RNF150: variants seen among roughly 807,000 people sequenced by gnomAD.
The protein encoded by RNF150 is ring finger protein 150.
Under a neutral mutation model 39.3 loss-of-function variants are expected in RNF150, and 24 were observed. That is an observed-to-expected ratio of 0.61 (90% CI 0.44 to 0.86). The LOEUF (loss-of-function observed/expected upper bound fraction) is 0.86. Among genes scored for constraint, RNF150 ranks in the 40% least tolerant of loss-of-function variants. RNF150 has a pLI of 0.00. For synonymous variants in RNF150, 255 were observed against 227.3 expected, an observed-to-expected ratio of 1.12 and a Z score of -1.10; for missense variants, 502 against 587.8, an observed-to-expected ratio of 0.85 and a Z score of 1.51.
chr4:140,871,000 CTCTATA>C (rs1054973829), intron 6 of RNF150, among the ~76,000 whole-genome samples: 110 of 144,630 alleles, frequency 7.6e-4, no homozygotes, highest in South Asian at 3.2e-3. Context: ...CTCTCTCTCT[CTCTATA>C]TATATATATA....
chr4:140,970,231 G>A (rs1733410720), intron 1 of RNF150, among the ~76,000 whole-genome samples: 1 of 152,048 alleles, frequency 6.6e-6, no homozygotes, highest in African/African-American at 2.4e-5. Context: ...TAAATCTTGA[G>A]CAATCTTCGA....
chr4:141,184,879 G>A, intron 1 of RNF150, among the ~76,000 whole-genome samples: 1 of 151,080 alleles, frequency 6.6e-6, no homozygotes, highest in Non-Finnish European at 1.5e-5. Flanking sequence ...GTGTGTGTGT[G>A]TGTGTGTGTG....
chr4:140,936,864 A>G (rs1458475763), intron 4 of RNF150, among the ~76,000 whole-genome samples: 1 of 152,178 alleles, frequency 6.6e-6, no homozygotes, highest in Non-Finnish European at 1.5e-5. Context: ...CAATAGTAAT[A>G]TATCAAAGAA....
intron 1 of RNF150, among the ~76,000 whole-genome samples, chr4:141,177,476 TTCTCTCTC>T (rs35665766): frequency 2.1e-5 from 3 of 142,332 alleles, no homozygotes; most frequent in African/African-American, 5.1e-5. Flanking sequence ...TATTGATTCT[TTCTCTCTC>T]TCTCTCTCTC....
At chr4:140,896,059 A>G (rs2111237401) in intron 6 of RNF150, among the ~76,000 whole-genome samples, 1 of 122,948 alleles carries the variant, frequency 8.1e-6, no homozygotes, top group Middle Eastern at 3.8e-3. Flanking sequence ...GAGGATGTGG[A>G]GAAACAGGAA....
chr4:141,036,050 C>T (rs187358539), intron 1 of RNF150, among the ~76,000 whole-genome samples: 2 of 152,178 alleles, frequency 1.3e-5, no homozygotes, highest in Admixed American at 1.3e-4. Context: ...CCAGGAGGGC[C>T]TTTATGACTA....
intron 1 of RNF150, among the ~76,000 whole-genome samples, chr4:141,046,522 T>C (rs945277944): frequency 1.3e-5 from 2 of 152,176 alleles, no homozygotes; most frequent in African/African-American, 4.8e-5. Context: ...AAACTTGAAG[T>C]TCACACTTTA....
chr4:140,918,625 A>G (rs1385138597), intron 5 of RNF150, among the ~76,000 whole-genome samples: 1 of 152,008 alleles, frequency 6.6e-6, no homozygotes, highest in Admixed American at 6.6e-5. Flanking sequence ...AGCTGGTACC[A>G]TTCCTTCTGA....
At chr4:140,883,701 C>G (rs1273459703) in intron 6 of RNF150, among the ~76,000 whole-genome samples, 1 of 152,128 alleles carries the variant, frequency 6.6e-6, no homozygotes, top group Non-Finnish European at 1.5e-5. Context: ...TTGCTGCTTT[C>G]AAGATTCTAT....
chr4:140,950,020 C>T (rs1180794493), intron 2 of RNF150, among the ~76,000 whole-genome samples: 1 of 152,116 alleles, frequency 6.6e-6, no homozygotes, highest in Non-Finnish European at 1.5e-5. Flanking sequence ...TCATTCTCTC[C>T]CCATTTTTGG....
At chr4:140,911,689 C>A (rs575938355) in intron 5 of RNF150, among the ~76,000 whole-genome samples, 2 of 152,250 alleles carry the variant, frequency 1.3e-5, no homozygotes, top group African/African-American at 4.8e-5. Context: ...AATGAAGGCA[C>A]TTCCTTACAT....
chr4:140,874,123 T>C (rs1215853426), intron 6 of RNF150, among the ~76,000 whole-genome samples: 1 of 152,338 alleles, frequency 6.6e-6, no homozygotes, highest in African/African-American at 2.4e-5. Flanking sequence ...ATTTAGTCCA[T>C]AAATTATTGA....
Position 140,862,002 on chromosome 4 carries a change from A to C in RNF150, c.*6259T>G, listed in dbSNP as rs754714429. Reference sequence around the variant, plus strand: ...CACCTTCGCTTTTATTTATGAGAACATTGGGAGAAAATTCAACTAGTCAAT... The same window carrying C: ...CACCTTCGCTTTTATTTATGAGAACCTTGGGAGAAAATTCAACTAGTCAAT... On this transcript the variant is annotated 3_prime_UTR_variant, in exon 7 of 7. Transcript: ENST00000515673. 2.0e-5 allele frequency: 3 copies of C among 152,232 alleles called. No homozygotes were observed. The highest frequency in any genetic ancestry group is 4.4e-5 in the Non-Finnish European group (3 of 68,048). The allele number at this position is 152,232 out of a possible 1,614,324, so 9.4% of individuals were successfully genotyped here.
At chr4:141,208,094 G>A (rs1297929170) in intron 1 of RNF150, among the ~76,000 whole-genome samples, 1 of 152,228 alleles carries the variant, frequency 6.6e-6, no homozygotes, top group Non-Finnish European at 1.5e-5. Context: ...ATCATCAGCA[G>A]AATGTCCGGA....
At position 140,948,747 on chromosome 4, in the gene RNF150, G is replaced by A. The variant is rs186244218; in HGVS notation, c.807+554C>T. Among the ~76,000 whole-genome samples the A allele has an allele frequency of 4.8e-3, 731 of 152,220 alleles. 7 individuals carry two copies. Among genetic ancestry groups the A allele is most frequent in the Non-Finnish European group, 4.5e-3 (306 of 68,010 alleles). On this transcript the variant is annotated intron_variant, in intron 3 of 6. Coordinates refer to ENST00000515673, the MANE Select transcript of RNF150 (RefSeq NM_020724.2). ...GAGCCACACCACCTATCAACCTTGG[G>A]GTTCTGAATACTGGATTTCAGAGGG... is the stretch of plus-strand genomic sequence containing the variant.
intron 1 of RNF150, among the ~76,000 whole-genome samples, chr4:141,096,944 G>A (rs1738810387): frequency 1.3e-5 from 2 of 152,202 alleles, no homozygotes; most frequent in Non-Finnish European, 1.5e-5. Context: ...GATAACCAGA[G>A]TGAGAAGACC....
At chr4:141,165,489 A>T (rs1727584590) in intron 1 of RNF150, among the ~76,000 whole-genome samples, 1 of 152,224 alleles carries the variant, frequency 6.6e-6, no homozygotes, top group African/African-American at 2.4e-5. Flanking sequence ...AATCAACAGA[A>T]TATACATTTT....
intron 1 of RNF150, among the ~76,000 whole-genome samples, chr4:141,078,964 T>C (rs1578704548): frequency 6.6e-6 from 1 of 151,446 alleles, no homozygotes; most frequent in East Asian, 1.9e-4. Context: ...CATATATATG[T>C]TTATAAGAAA....
intron 4 of RNF150, among the ~76,000 whole-genome samples, chr4:140,945,962 A>G (rs1025939136): frequency 7.2e-5 from 11 of 152,188 alleles, no homozygotes; most frequent in African/African-American, 2.4e-4. Flanking sequence ...TTGCTCCAAG[A>G]GGCATTCTGT....
Sources: gnomAD v4.1 joint callset for allele counts (sites outside exome capture counted in the v4.1 genomes callset) on GRCh38, gnomAD v4.1.1 for gene constraint, MANE v1.5 for transcripts, NCBI Gene and HGNC (gene_info 2026-07-23, HGNC 2026-07-21) for gene names.